The following SPAG16 variants were observed in gnomAD, a reference collection of about 807,000 sequenced individuals.
SPAG16 encodes the protein sperm associated antigen 16.
Under a neutral mutation model 80.4 loss-of-function variants are expected in SPAG16, and 86 were observed. That is an observed-to-expected ratio of 1.07 (90% confidence interval 0.90 to 1.28). SPAG16 has a LOEUF of 1.28. Ranked by LOEUF, SPAG16 falls within the 50% of genes most tolerant of loss-of-function variation. The pLI, the probability that SPAG16 is intolerant of heterozygous loss-of-function variation, is 0.00. For synonymous variants in SPAG16, 294 were observed against 265.9 expected, an observed-to-expected ratio of 1.11 and a Z score of -1.03; for missense variants, 870 against 765.3, an observed-to-expected ratio of 1.14 and a Z score of -1.61.
intron 9 of SPAG16, among the ~76,000 whole-genome samples, chr2:213,442,030 C>G (rs548932388): frequency 5.9e-5 from 9 of 152,290 alleles, no homozygotes; most frequent in Admixed American, 3.3e-4. Context: ...TGCCTATAAT[C>G]CCAGCTACTC....
intron 7 of SPAG16, among the ~76,000 whole-genome samples, chr2:213,361,789 C>CCACACACACACACACA (rs10585217): frequency 4.3e-5 from 6 of 140,108 alleles, no homozygotes; most frequent in East Asian, 4.2e-4. Context: ...ACTGATAATG[C>CCACACACACACACACA]CACACACACA....
chr2:213,647,951 T>C (rs758491522), intron 10 of SPAG16, among the ~76,000 whole-genome samples: 1 of 152,212 alleles, frequency 6.6e-6, no homozygotes. Context: ...TTAGGTTTGA[T>C]AGCAAAGTGT....
intron 14 of SPAG16, among the ~76,000 whole-genome samples, chr2:214,140,284 T>G (rs1442184437): frequency 1.3e-5 from 2 of 152,022 alleles, no homozygotes; most frequent in Non-Finnish European, 2.9e-5. Context: ...TTCCAAACTT[T>G]TTTTTAAACC....
chr2:214,375,874 G>A (rs1244896738), intron 15 of SPAG16, among the ~76,000 whole-genome samples: 5 of 152,060 alleles, frequency 3.3e-5, no homozygotes, highest in Admixed American at 3.3e-4. Flanking sequence ...ATTTCACTAT[G>A]TTTGTATTGA....
intron 10 of SPAG16, among the ~76,000 whole-genome samples, chr2:213,680,245 G>A (rs1349620001): frequency 6.6e-6 from 1 of 152,090 alleles, no homozygotes; most frequent in African/African-American, 2.4e-5. Context: ...ACTCCACCTA[G>A]TCCCTTTGAT....
chr2:213,652,911 C>A (rs964287145), intron 10 of SPAG16, among the ~76,000 whole-genome samples: 1 of 152,086 alleles, frequency 6.6e-6, no homozygotes, highest in Non-Finnish European at 1.5e-5. Flanking sequence ...TCTAAAAATT[C>A]TTTGCCTAGC....
At chr2:213,583,327 A>G (rs1381011666) in intron 10 of SPAG16, among the ~76,000 whole-genome samples, 2 of 152,172 alleles carry the variant, frequency 1.3e-5, no homozygotes, top group Admixed American at 6.5e-5. Context: ...AAAGTATATG[A>G]TATAATGTTT....
intron 13 of SPAG16, among the ~76,000 whole-genome samples, chr2:214,039,612 T>A (rs1462672172): frequency 6.6e-6 from 1 of 152,212 alleles, no homozygotes; most frequent in African/African-American, 2.4e-5. Flanking sequence ...AAGAAATTCA[T>A]TTCTTTGTTG....
At chr2:213,738,733 G>T (rs986744931) in intron 10 of SPAG16, among the ~76,000 whole-genome samples, 1 of 152,154 alleles carries the variant, frequency 6.6e-6, no homozygotes. Flanking sequence ...TTATAATGCT[G>T]TTCACCAATT....
intron 15 of SPAG16, among the ~76,000 whole-genome samples, chr2:214,388,049 A>T (rs1418070383): frequency 2.0e-5 from 3 of 152,172 alleles, no homozygotes; most frequent in Non-Finnish European, 2.9e-5. Flanking sequence ...TGCTAAAATT[A>T]TCCTAGTACA....
At chr2:213,877,280 C>T (rs1410221812) in intron 11 of SPAG16, among the ~76,000 whole-genome samples, 3 of 151,982 alleles carry the variant, frequency 2.0e-5, no homozygotes, top group African/African-American at 2.4e-5. Flanking sequence ...GTTTATATGT[C>T]TTTATCAGAA....
chr2:214,236,774 T>G (rs1476453305), intron 15 of SPAG16, among the ~76,000 whole-genome samples: 1 of 152,194 alleles, frequency 6.6e-6, no homozygotes, highest in Non-Finnish European at 1.5e-5. Context: ...GGTTTTTAGG[T>G]GTCTTCTGGA....
chr2:214,254,156 A>G (rs1203576263), intron 15 of SPAG16, among the ~76,000 whole-genome samples: 1 of 151,938 alleles, frequency 6.6e-6, no homozygotes, highest in Non-Finnish European at 1.5e-5. Context: ...GCTTTGCTGA[A>G]GTTGCTTATC....
At chr2:213,863,363 G>T (rs944181025) in intron 11 of SPAG16, among the ~76,000 whole-genome samples, 2 of 151,814 alleles carry the variant, frequency 1.3e-5, no homozygotes, top group Non-Finnish European at 2.9e-5. Context: ...TTCTTGGGAA[G>T]ATTTCTTATG....
At chr2:214,393,044 G>A (rs1393355487) in intron 15 of SPAG16, among the ~76,000 whole-genome samples, 1 of 152,190 alleles carries the variant, frequency 6.6e-6, no homozygotes, top group African/African-American at 2.4e-5. Context: ...CTTCGTGGTG[G>A]AAGGGTTTAA....
intron 15 of SPAG16, among the ~76,000 whole-genome samples, chr2:214,222,107 A>C (rs1377500260): frequency 2.4e-5 from 2 of 82,234 alleles, no homozygotes; most frequent in African/African-American, 3.3e-5. Flanking sequence ...TTTCCTTGCT[A>C]TTCTTTTTTT....
At chr2:213,332,741 A>ATACAT (rs2064163669) in intron 5 of SPAG16, among the ~76,000 whole-genome samples, 1 of 152,204 alleles carries the variant, frequency 6.6e-6, no homozygotes, top group Non-Finnish European at 1.5e-5. Flanking sequence ...AATCAGTGTG[A>ATACAT]TACATTACAT....
At chr2:213,781,173 C>T (rs1410452573) in intron 10 of SPAG16, among the ~76,000 whole-genome samples, 1 of 152,192 alleles carries the variant, frequency 6.6e-6, no homozygotes, top group South Asian at 2.1e-4. Flanking sequence ...CTCAAGCCTT[C>T]CATCTTCATA....
intron 11 of SPAG16, among the ~76,000 whole-genome samples, chr2:213,928,032 G>A (rs1438932815): frequency 6.6e-6 from 1 of 152,154 alleles, no homozygotes; most frequent in Non-Finnish European, 1.5e-5. Flanking sequence ...GGGACTAGCT[G>A]CCATTTGGTG....
Sources: allele counts gnomAD v4.1 joint callset (sites outside exome capture counted in the v4.1 genomes callset), GRCh38; gene constraint gnomAD v4.1.1; transcripts MANE v1.5; gene names NCBI Gene and HGNC (gene_info 2026-07-23, HGNC 2026-07-21).